The following SLC6A5 variants were observed in gnomAD, a reference collection of about 807,000 sequenced individuals.
SLC6A5 encodes the protein solute carrier family 6 member 5.
A neutral mutation model predicts 90.5 loss-of-function variants in SLC6A5; 58 were observed. The observed-to-expected ratio is 0.64, with a 90% CI of 0.52 to 0.80. The LOEUF is 0.80. Ranked by LOEUF, SLC6A5 falls within the 30% of genes least tolerant of loss-of-function variation. The pLI, the probability that SLC6A5 is intolerant of heterozygous loss-of-function variation, is 0.00. For synonymous variants in SLC6A5, 427 were observed against 401.4 expected (o/e 1.06, Z -0.76); for missense variants, 1,015 against 1,017.6 (o/e 1.00, Z 0.03).
At chr11:20,652,512 G>T (rs1853561434) in intron 15 of SLC6A5, 56 bp downstream of exon 15, 7 of 1,521,192 alleles carry the variant, frequency 4.6e-6, no homozygotes, top group East Asian at 2.2e-5. Context: ...GCCCATAAAA[G>T]CTCTGCATGT....
intron 6 of SLC6A5, 85 bp from the exon 7 acceptor site, chr11:20,617,667 C>G (rs991796006): frequency 8.3e-7 from 1 of 1,211,184 alleles, no homozygotes; most frequent in Non-Finnish European, 1.2e-6. Flanking sequence ...CCTCCTGGCT[C>G]TACTGGAGGC....
At chr11:20,600,407 A>G (rs527947658) in intron 1 of SLC6A5, among the ~76,000 whole-genome samples, 2 of 147,108 alleles carry the variant, frequency 1.4e-5, no homozygotes, top group East Asian at 2.0e-4. Context: ...AAGAAGAAGA[A>G]GAAGACCTAA....
chr11:20,602,666 T>C (rs1164509275), intron 2 of SLC6A5, among the ~76,000 whole-genome samples: 1 of 149,176 alleles, frequency 6.7e-6, no homozygotes, highest in Non-Finnish European at 1.5e-5. Flanking sequence ...ATACAACCCT[T>C]CTATCCTTAG....
Position 20,642,662 on chromosome 11 carries a change from T to G in SLC6A5, c.1969+4104T>G, listed in dbSNP as rs1177380483. Among the ~76,000 whole-genome samples the G allele has an allele frequency of 2.0e-5, 3 of 151,980 alleles. No individual in the cohort carries two copies. The East Asian group carries it at 5.8e-4, about 29-fold the overall frequency. On this transcript the variant is annotated intron_variant, in intron 13 of 15. Transcript: ENST00000525748. ...AGTTAGGCCTTGAAGGCAAGATGGA[T>G]GTGGATTAGGGGAAAGGAGAAAGCA...
chr11:20,648,117 G>GT (rs11370466), intron 14 of SLC6A5, among the ~76,000 whole-genome samples: 3,352 of 152,254 alleles, frequency 0.022, 119 homozygotes, highest in African/African-American at 0.077. Flanking sequence ...TTGTACAGGT[G>GT]TAATTTTGGG....
At chr11:20,643,586 A>G (rs1247361953) in intron 13 of SLC6A5, among the ~76,000 whole-genome samples, 1 of 152,224 alleles carries the variant, frequency 6.6e-6, no homozygotes, top group Non-Finnish European at 1.5e-5. Flanking sequence ...ACCTAAGGTC[A>G]CACAGTGAGT....
intron 14 of SLC6A5, among the ~76,000 whole-genome samples, chr11:20,648,211 A>G (rs141901814): frequency 6.6e-6 from 1 of 152,296 alleles, no homozygotes; most frequent in East Asian, 1.9e-4. Context: ...TTTTGCTATT[A>G]CACATGGTCC....
rs968274934 is a variant in SLC6A5 at position 20,656,886 on chromosome 11, T to G, written c.*2018T>G. 6.6e-6 allele frequency: 1 copy of G among 152,130 alleles called. No homozygotes were observed. The highest frequency in any genetic ancestry group is 2.4e-5 in the African/African-American group (1 of 41,416). 9.4% of individuals were successfully genotyped at this position (152,130 alleles called of 1,614,324 possible). A position where few individuals can be genotyped will look rare whatever the true frequency, so the allele number is the denominator to read the frequency against. On this transcript the variant is annotated 3_prime_UTR_variant, in exon 16 of 16. Transcript: ENST00000525748. ...ACAGATTTCTCTAAGAAAGCCATATTGATGAGAAGCCCCCAATTACTGCAG... is the reference window on the plus strand; with the variant it reads ...ACAGATTTCTCTAAGAAAGCCATATGGATGAGAAGCCCCCAATTACTGCAG...
intron 13 of SLC6A5, among the ~76,000 whole-genome samples, chr11:20,646,285 A>G (rs953566958): frequency 2.0e-5 from 3 of 152,148 alleles, no homozygotes; most frequent in African/African-American, 7.2e-5. Flanking sequence ...AAAGTGGGTG[A>G]TTGACACTTG....
At chr11:20,624,730 G>A (rs1037162465) in intron 7 of SLC6A5, among the ~76,000 whole-genome samples, 1 of 152,338 alleles carries the variant, frequency 6.6e-6, no homozygotes, top group African/African-American at 2.4e-5. Flanking sequence ...CCCAGAGTGG[G>A]CCTGGATGGG....
intron 1 of SLC6A5, among the ~76,000 whole-genome samples, chr11:20,600,351 G>T (rs962512870): frequency 8.5e-6 from 1 of 117,354 alleles, no homozygotes; most frequent in Non-Finnish European, 1.9e-5. Context: ...AGAAGAAGAA[G>T]AAGAAGAAGA....
At chr11:20,651,520 G>A (rs1036189266) in intron 14 of SLC6A5, among the ~76,000 whole-genome samples, 1 of 150,794 alleles carries the variant, frequency 6.6e-6, no homozygotes, top group Non-Finnish European at 1.5e-5. Context: ...GTGATCCACC[G>A]CCTCAGCCTC....
At chr11:20,652,266 G>A (rs774962300) in intron 14 of SLC6A5, 23 bp from the exon 15 acceptor site, 13 of 1,612,880 alleles carry the variant, frequency 8.1e-6, no homozygotes, top group East Asian at 2.2e-5. Context: ...ACCCTAACAC[G>A]TGTGTCACTT....
chr11:20,616,119 T>A (rs2133786358), intron 6 of SLC6A5, among the ~76,000 whole-genome samples: 1 of 152,346 alleles, frequency 6.6e-6, no homozygotes, highest in African/African-American at 2.4e-5. Flanking sequence ...GCTAATACCA[T>A]GACTCTTCTC....
Position 20,599,660 on chromosome 11 carries a change from G to A in SLC6A5, c.-13G>A. 1 of 1,614,104 alleles carries A rather than the reference G, an allele frequency of 6.2e-7. No homozygotes were observed. Among genetic ancestry groups the A allele is most frequent in the Non-Finnish European group, 8.5e-7 (1 of 1,180,032 alleles). ...TCACCCTCCACCAGTTCAGTCTGTT[G>A]CCTGTGTCAGACATGGTGAGTGTTT... is the stretch of plus-strand genomic sequence containing the variant. On this transcript the variant is annotated 5_prime_UTR_variant, in exon 1 of 16. Transcript: ENST00000525748.
chr11:20,618,824 C>T (rs941761590), intron 7 of SLC6A5, among the ~76,000 whole-genome samples: 7 of 152,046 alleles, frequency 4.6e-5, no homozygotes, highest in African/African-American at 1.7e-4. Context: ...GTAGTCCCTG[C>T]TACTTGGGAG....
Position 20,656,985 on chromosome 11 carries a change from AT to A in SLC6A5, c.*2118del, listed in dbSNP as rs1376504299. 1 of 152,208 alleles carries A rather than the reference AT, an allele frequency of 6.6e-6. No individual in the cohort carries two copies. Among genetic ancestry groups the A allele is most frequent in the African/African-American group, 2.4e-5 (1 of 41,440 alleles). 9.4% of individuals were successfully genotyped at this position (152,208 alleles called of 1,614,324 possible). A position where few individuals can be genotyped will look rare whatever the true frequency, so the allele number is the denominator to read the frequency against. On this transcript the variant is annotated 3_prime_UTR_variant, in exon 16 of 16. Transcript: ENST00000525748. ...GGTAGAGTGAGAGGAGCCAGGAGGA[AT>A]AACTTAGGCCTGGAAATTATCTGCA...
chr11:20,629,465 CTGAG>C (rs1265367289), intron 9 of SLC6A5, among the ~76,000 whole-genome samples: 6 of 152,128 alleles, frequency 3.9e-5, no homozygotes, highest in Non-Finnish European at 8.8e-5. Context: ...ATGCCATAGA[CTGAG>C]TAATATTTTT....
At chr11:20,626,613 T>C (rs972179065) in intron 7 of SLC6A5, 95 bp from the exon 8 acceptor site, 1 of 1,373,770 alleles carries the variant, frequency 7.3e-7, no homozygotes, top group South Asian at 1.2e-5. Context: ...CTCTCTGTCA[T>C]GCGCAGCCCC....
Sources: allele counts gnomAD v4.1 joint callset (sites outside exome capture counted in the v4.1 genomes callset), GRCh38; gene constraint gnomAD v4.1.1; transcripts MANE v1.5; gene names NCBI Gene and HGNC (gene_info 2026-07-23, HGNC 2026-07-21).